Variants in UBE2E2 observed in about 807,000 individuals in gnomAD.
UBE2E2 encodes the protein ubiquitin-conjugating enzyme E2 E2.
Under a neutral mutation model 24.7 loss-of-function variants are expected in UBE2E2, and 6 were observed. The observed-to-expected ratio is 0.24, with a 90% CI of 0.13 to 0.48. The LOEUF (loss-of-function observed/expected upper bound fraction) is 0.48, where lower values mean the gene tolerates loss of function less well. Among genes scored for constraint, UBE2E2 ranks in the 20% least tolerant of loss-of-function variants. The pLI is 0.99. For missense variants in UBE2E2, 169 were observed against 245.0 expected (o/e 0.69, Z 2.07); for synonymous variants, 104 against 83.6 (o/e 1.24, Z -1.33).
chr3:23,458,901 G>A (rs1191707080), intron 3 of UBE2E2, among the ~76,000 whole-genome samples: 1 of 152,090 alleles, frequency 6.6e-6, no homozygotes, highest in African/African-American at 2.4e-5. Context: ...TATCTAAGAA[G>A]CACCGTAAAA....
At chr3:23,316,854 G>A (rs1487794954) in intron 3 of UBE2E2, among the ~76,000 whole-genome samples, 4 of 152,004 alleles carry the variant, frequency 2.6e-5, no homozygotes, top group African/African-American at 9.7e-5. Context: ...TCTCTTCAAG[G>A]CAGTGGGCTC....
chr3:23,408,186 G>A (rs1001210189), intron 3 of UBE2E2, among the ~76,000 whole-genome samples: 1 of 152,036 alleles, frequency 6.6e-6, no homozygotes, highest in Non-Finnish European at 1.5e-5. Context: ...TTTTAGAAAA[G>A]AATAAGTTCA....
At chr3:23,397,554 T>C (rs1210877315) in intron 3 of UBE2E2, among the ~76,000 whole-genome samples, 1 of 152,184 alleles carries the variant, frequency 6.6e-6, no homozygotes, top group Non-Finnish European at 1.5e-5. Context: ...TTTTCTCCCA[T>C]AGGTAACCAC....
At chr3:23,283,751 TCAAAA>T (rs1218265248) in intron 3 of UBE2E2, among the ~76,000 whole-genome samples, 2 of 152,046 alleles carry the variant, frequency 1.3e-5, no homozygotes, top group Non-Finnish European at 1.5e-5. Flanking sequence ...AGACCCTGTC[TCAAAA>T]CAAAACAAAA....
intron 3 of UBE2E2, among the ~76,000 whole-genome samples, chr3:23,398,625 T>C (rs1697138610): frequency 6.6e-6 from 1 of 152,192 alleles, no homozygotes; most frequent in Non-Finnish European, 1.5e-5. Context: ...TCATCTTAAC[T>C]CCATGTTGAT....
At chr3:23,242,842 T>C (rs1206544055) in intron 3 of UBE2E2, among the ~76,000 whole-genome samples, 1 of 152,120 alleles carries the variant, frequency 6.6e-6, no homozygotes, top group Non-Finnish European at 1.5e-5. Context: ...TCCCTGCCAT[T>C]TGGGAGGCTG....
At chr3:23,274,233 T>G (rs180864415) in intron 3 of UBE2E2, among the ~76,000 whole-genome samples, 33 of 152,354 alleles carry the variant, frequency 2.2e-4, no homozygotes, top group Non-Finnish European at 1.6e-4. Context: ...TTTTAAGTTA[T>G]GAAACTCATA....
chr3:23,310,237 A>T (rs34067122), intron 3 of UBE2E2, among the ~76,000 whole-genome samples: 2 of 152,072 alleles, frequency 1.3e-5, no homozygotes, highest in Non-Finnish European at 2.9e-5. Flanking sequence ...AATTAGAGTT[A>T]CCAATTAAGT....
At position 23,589,995 on chromosome 3, in the gene UBE2E2, C is replaced by A; in HGVS notation, c.*164C>A. The A allele has an allele frequency of 3.0e-5, 17 of 571,778 alleles. No individual in the cohort carries two copies. The highest frequency in any genetic ancestry group is 1.2e-4 in the Admixed American group (4 of 33,460). The allele number at this position is 571,778 out of a possible 1,614,324, so 35.4% of individuals were successfully genotyped here. A position where few individuals can be genotyped will look rare whatever the true frequency, so the allele number is the denominator to read the frequency against. ...GTCCATCTTCCCATCCCAGTTCTTC[C>A]TGCCCCCCTTCCTCTCTCCCACGCT... On this transcript the variant is annotated 3_prime_UTR_variant, in exon 6 of 6. Coordinates refer to ENST00000396703, the MANE Select transcript of UBE2E2 (RefSeq NM_152653.4). The surrounding 1 kb of genome is among the most constrained non-coding windows in gnomAD (Gnocchi z 4.1).
chr3:23,346,902 G>A (rs991256136), intron 3 of UBE2E2, among the ~76,000 whole-genome samples: 8 of 152,158 alleles, frequency 5.3e-5, no homozygotes, highest in African/African-American at 1.9e-4. Flanking sequence ...TTTGAGTAAT[G>A]TATTACTATT....
At chr3:23,304,994 G>C (rs1699202340) in intron 3 of UBE2E2, among the ~76,000 whole-genome samples, 1 of 152,054 alleles carries the variant, frequency 6.6e-6, no homozygotes, top group Non-Finnish European at 1.5e-5. Context: ...TCCACATGTT[G>C]ATACATTTCA....
At chr3:23,500,286 CGTAAA>C (rs970744914) in intron 4 of UBE2E2, among the ~76,000 whole-genome samples, 14 of 151,994 alleles carry the variant, frequency 9.2e-5, no homozygotes, top group Non-Finnish European at 1.8e-4. Flanking sequence ...TAAAAAATTT[CGTAAA>C]GTATTTATAA....
At chr3:23,240,513 G>A (rs1316905004) in intron 3 of UBE2E2, among the ~76,000 whole-genome samples, 2 of 152,146 alleles carry the variant, frequency 1.3e-5, no homozygotes, top group African/African-American at 2.4e-5. Context: ...AAGTTATTTG[G>A]TTTAGGGAGA....
chr3:23,495,953 A>C (rs555835333), intron 3 of UBE2E2, among the ~76,000 whole-genome samples: 149 of 152,260 alleles, frequency 9.8e-4, no homozygotes, highest in African/African-American at 3.3e-3. Context: ...CTAGAAATAA[A>C]ATGTAACTCT....
chr3:23,584,358 T>A (rs183373479), intron 5 of UBE2E2, among the ~76,000 whole-genome samples: 7 of 152,046 alleles, frequency 4.6e-5, no homozygotes, highest in African/African-American at 1.7e-4. Context: ...CATCGATCCC[T>A]TTTAGTCTTG....
intron 3 of UBE2E2, among the ~76,000 whole-genome samples, chr3:23,452,929 T>C (rs1462231990): frequency 6.6e-6 from 1 of 152,230 alleles, no homozygotes; most frequent in East Asian, 1.9e-4. Flanking sequence ...CTATGTATTC[T>C]GGATTTCCTG....
intron 3 of UBE2E2, among the ~76,000 whole-genome samples, chr3:23,326,822 ACTCCCCCCACCCCACCAC>A (rs2125296030): frequency 6.8e-6 from 1 of 146,204 alleles, no homozygotes; most frequent in East Asian, 2.0e-4. Flanking sequence ...GTCCCTCCCC[ACTCCCCCCACCCCACCAC>A]AGGCCCTGGT....
At chr3:23,327,826 G>C (rs1694944654) in intron 3 of UBE2E2, among the ~76,000 whole-genome samples, 1 of 152,164 alleles carries the variant, frequency 6.6e-6, no homozygotes. Flanking sequence ...AGTTGGTGTT[G>C]TCTAGGAGTT....
intron 3 of UBE2E2, among the ~76,000 whole-genome samples, chr3:23,354,770 C>T (rs1695888052): frequency 6.6e-6 from 1 of 152,178 alleles, no homozygotes; most frequent in African/African-American, 2.4e-5. Flanking sequence ...AACACTTTTA[C>T]ACTGTTGGTG....
Sources: gnomAD v4.1 joint callset for allele counts (sites outside exome capture counted in the v4.1 genomes callset) on GRCh38, gnomAD v4.1.1 for gene constraint, Gnocchi (gnomAD v3.1) non-coding constraint, MANE v1.5 for transcripts, NCBI Gene and HGNC (gene_info 2026-07-23, HGNC 2026-07-21) for gene names.